The following DOK6 variants were observed in gnomAD, a reference collection of about 807,000 sequenced individuals.
DOK6 encodes docking protein 6, also known as downstream of tyrosine kinase 6.
A neutral mutation model predicts 44.0 loss-of-function variants in DOK6; 22 were observed. That is an observed-to-expected ratio of 0.50 (90% CI 0.36 to 0.71). The LOEUF (loss-of-function observed/expected upper bound fraction) is 0.71. Among genes scored for constraint, DOK6 ranks in the 30% least tolerant of loss-of-function variants. The pLI, the probability that DOK6 is intolerant of heterozygous loss-of-function variation, is 0.00. For synonymous variants in DOK6, 166 were observed against 145.5 expected (o/e 1.14, Z -1.01); for missense variants, 340 against 416.4 (o/e 0.82, Z 1.60).
rs1036839 is a variant in DOK6 at position 69,515,213 on chromosome 18, T to C, written c.67-49274T>C. On this transcript the variant is annotated intron_variant, in intron 1 of 7. Transcript: ENST00000382713. ...TTCTATGATTTCTTCCTAGGCTTCT[T>C]TTAGACCACACAAGGATTAAATGAG... is the stretch of plus-strand genomic sequence containing the variant. Among the ~76,000 whole-genome samples, 1,097 of 152,324 alleles carry C rather than the reference T, an allele frequency of 7.2e-3. 8 individuals are homozygous for C. The highest frequency in any genetic ancestry group is 0.025 in the African/African-American group (1,046 of 41,574).
At chr18:69,701,575 G>C (rs527557010) in intron 5 of DOK6, among the ~76,000 whole-genome samples, 2 of 152,166 alleles carry the variant, frequency 1.3e-5, no homozygotes, top group African/African-American at 2.4e-5. Context: ...GAAAATGCCT[G>C]CATGGCCAAA....
At chr18:69,646,169 G>A (rs758859285) in intron 3 of DOK6, among the ~76,000 whole-genome samples, 24 of 152,080 alleles carry the variant, frequency 1.6e-4, no homozygotes, top group Admixed American at 7.2e-4. Context: ...TTTTGAGCAA[G>A]TTTTCTTGGG....
chr18:69,706,350 C>G (rs1166697182), intron 5 of DOK6, among the ~76,000 whole-genome samples: 2 of 152,004 alleles, frequency 1.3e-5, no homozygotes, highest in Non-Finnish European at 2.9e-5. Context: ...ATCTGGTTTT[C>G]AGAAGAATTA....
Position 69,459,187 on chromosome 18 carries a change from TTGTGTGTGTGTG to T in DOK6, c.66+57912_66+57923del, listed in dbSNP as rs71176967. Among the ~76,000 whole-genome samples the T allele has an allele frequency of 4.6e-3, 629 of 136,962 alleles. 2 individuals carry two copies. The highest frequency in any genetic ancestry group is 0.01 in the African/African-American group (365 of 35,956). 89.9% of individuals were successfully genotyped at this position (136,962 alleles called of 152,430 possible). A position where few individuals can be genotyped will look rare whatever the true frequency, so the allele number is the denominator to read the frequency against. Reference sequence around the variant, plus strand: ...GTGAGAAATCTCAAAAAAAAATATTTTGTGTGTGTGTGTGTGTGTGTGTGTGTGTGTGTGTGT... The same window carrying T: ...GTGAGAAATCTCAAAAAAAAATATTTTGTGTGTGTGTGTGTGTGTGTGTGT... On this transcript the variant is annotated intron_variant, in intron 1 of 7. Transcript: ENST00000382713.
At chr18:69,796,735 G>A (rs1212553139) in intron 7 of DOK6, among the ~76,000 whole-genome samples, 2 of 152,190 alleles carry the variant, frequency 1.3e-5, no homozygotes, top group African/African-American at 2.4e-5. Flanking sequence ...GTCCAGAAAA[G>A]AGGCACAGTC....
At chr18:69,513,944 G>T (rs181189052) in intron 1 of DOK6, among the ~76,000 whole-genome samples, 1 of 151,848 alleles carries the variant, frequency 6.6e-6, no homozygotes, top group Non-Finnish European at 1.5e-5. Context: ...ATCTCGTAAG[G>T]TTTAAAATAC....
intron 1 of DOK6, among the ~76,000 whole-genome samples, chr18:69,550,973 A>T (rs1477264117): frequency 6.6e-6 from 1 of 151,268 alleles, no homozygotes; most frequent in African/African-American, 2.4e-5. Flanking sequence ...TAGTAGAGAC[A>T]GGATTTCATC....
At chr18:69,498,205 G>T (rs918866887) in intron 1 of DOK6, among the ~76,000 whole-genome samples, 8 of 151,860 alleles carry the variant, frequency 5.3e-5, no homozygotes, top group Non-Finnish European at 8.8e-5. Context: ...TTAATTATTT[G>T]ATTTCATTCC....
intron 1 of DOK6, among the ~76,000 whole-genome samples, chr18:69,560,933 T>TA (rs34888120): frequency 0.21 from 32,267 of 150,490 alleles, 3,647 homozygotes; most frequent in Middle Eastern, 0.36. Flanking sequence ...GCTTTCTATT[T>TA]AAAAAATTAT....
intron 7 of DOK6, chr18:69,781,495 C>T (rs774084608): frequency 1.8e-4 from 27 of 152,124 alleles, no homozygotes; most frequent in Admixed American, 5.2e-4. Flanking sequence ...TATGACATGA[C>T]TTACCACCTA....
intron 1 of DOK6, among the ~76,000 whole-genome samples, chr18:69,457,870 G>A (rs559262183): frequency 1.6e-4 from 24 of 152,246 alleles, no homozygotes; most frequent in South Asian, 4.1e-4. Context: ...CATGCCAGGC[G>A]TGGTGGCTCA....
Position 69,848,912 on chromosome 18 carries a change from C to T in DOK6, c.*7529C>T, listed in dbSNP as rs1386249577. 2 of 152,160 alleles carry T rather than the reference C, an allele frequency of 1.3e-5. No individual in the cohort carries two copies. The highest frequency in any genetic ancestry group is 6.5e-5 in the Admixed American group (1 of 15,282). 9.4% of individuals were successfully genotyped at this position (152,160 alleles called of 1,614,324 possible). A position where few individuals can be genotyped will look rare whatever the true frequency, so the allele number is the denominator to read the frequency against. ...CACAAGTTATTTCATAAAGCTAACACTGTAATATTACTTGGTTTTCTTATA... is the reference window on the plus strand; with the variant it reads ...CACAAGTTATTTCATAAAGCTAACATTGTAATATTACTTGGTTTTCTTATA... On this transcript the variant is annotated 3_prime_UTR_variant, in exon 8 of 8. Transcript: ENST00000382713.
In DOK6 at chr18:69,449,451, G is replaced by A. The variant is rs551693441; in HGVS notation, c.66+48141G>A. 2.7e-4 allele frequency among the ~76,000 whole-genome samples: 41 copies of A among 152,262 alleles called. No individual in the cohort carries two copies. In the East Asian group the frequency reaches 6.0e-3, roughly 22 times the overall value. On this transcript the variant is annotated intron_variant, in intron 1 of 7. Transcript: ENST00000382713. The stretch of plus-strand genomic sequence containing the variant: ...TCATATCTTAATAGCATATGTTATC[G>A]AAATACCTTAGCATTTGAAATAAGG...
intron 2 of DOK6, among the ~76,000 whole-genome samples, chr18:69,574,173 T>C (rs1983184960): frequency 2.6e-5 from 4 of 151,996 alleles, no homozygotes; most frequent in Non-Finnish European, 5.9e-5. Context: ...GTAGTGACAA[T>C]GCAGACCCCA....
intron 2 of DOK6, among the ~76,000 whole-genome samples, chr18:69,598,258 T>C (rs1217194918): frequency 6.6e-6 from 1 of 151,528 alleles, no homozygotes; most frequent in Non-Finnish European, 1.5e-5. Flanking sequence ...TTAGATTATA[T>C]AACTATAATA....
In DOK6 at chr18:69,847,773, A is replaced by C. The variant is rs201936844; in HGVS notation, c.*6390A>C. ...AATGCTTACTCTTGTAAAAAAAAAA[A>C]ATATATATATATGTATCAGCAGGTA... is the stretch of plus-strand genomic sequence containing the variant. On this transcript the variant is annotated 3_prime_UTR_variant, in exon 8 of 8. Transcript: ENST00000382713. 2 of 150,522 alleles carry C rather than the reference A, an allele frequency of 1.3e-5. No homozygotes were observed. The highest frequency in any genetic ancestry group is 4.9e-5 in the African/African-American group (2 of 41,054). 9.3% of individuals were successfully genotyped at this position (150,522 alleles called of 1,614,324 possible).
intron 1 of DOK6, among the ~76,000 whole-genome samples, chr18:69,529,592 A>G (rs75363481): frequency 1.3e-5 from 2 of 152,258 alleles, no homozygotes; most frequent in African/African-American, 4.8e-5. Flanking sequence ...ACTCCATAAC[A>G]TAATAAATAT....
intron 1 of DOK6, among the ~76,000 whole-genome samples, chr18:69,519,737 T>C (rs1981634709): frequency 6.6e-6 from 1 of 151,892 alleles, no homozygotes. Context: ...TTCAGAATTA[T>C]AAAAATTTTC....
intron 1 of DOK6, among the ~76,000 whole-genome samples, chr18:69,461,103 A>T (rs1440150652): frequency 5.9e-5 from 9 of 152,202 alleles, no homozygotes; most frequent in Non-Finnish European, 1.2e-4. Flanking sequence ...ATTATTTTTA[A>T]TAGTAGTAGT....
Sources: allele counts gnomAD v4.1 joint callset (sites outside exome capture counted in the v4.1 genomes callset), GRCh38; gene constraint gnomAD v4.1.1; transcripts MANE v1.5; gene names NCBI Gene and HGNC (gene_info 2026-07-23, HGNC 2026-07-21).